The following PTPRD variants were observed in gnomAD, a reference collection of about 807,000 sequenced individuals.
The protein encoded by PTPRD is receptor-type tyrosine-protein phosphatase delta.
Under a neutral mutation model 214.5 loss-of-function variants are expected in PTPRD, and 34 were observed. The observed-to-expected ratio is 0.16, with a 90% CI of 0.12 to 0.21. PTPRD has a LOEUF of 0.21. Among genes scored for constraint, PTPRD ranks in the 10% least tolerant of loss-of-function variants. The probability of loss-of-function intolerance (pLI) is 1.00; values close to 1 mark genes in which losing one functional copy is unlikely to be tolerated. For missense variants in PTPRD, 2,545 were observed against 2,398.7 expected, an observed-to-expected ratio of 1.06 and a Z score of -1.27; for synonymous variants, 1,128 against 845.7, an observed-to-expected ratio of 1.33 and a Z score of -5.79.
At chr9:10,060,867 T>TTC (rs2097758415) in intron 3 of PTPRD, among the ~76,000 whole-genome samples, 13 of 91,934 alleles carry the variant, frequency 1.4e-4, no homozygotes, top group Admixed American at 7.0e-4. Context: ...CTTCCTTCCT[T>TTC]CTTTCCTTCC....
chr9:9,812,941 T>A (rs561437869), intron 5 of PTPRD, among the ~76,000 whole-genome samples: 1 of 152,220 alleles, frequency 6.6e-6, no homozygotes, highest in South Asian at 2.1e-4. Context: ...AAGATACTTG[T>A]TATCATATTT....
intron 12 of PTPRD, among the ~76,000 whole-genome samples, chr9:8,679,135 G>A (rs1475696367): frequency 1.3e-5 from 2 of 152,192 alleles, no homozygotes; most frequent in East Asian, 1.9e-4. Context: ...CCTATAAAAA[G>A]GATTCCATCT....
At chr9:8,933,471 T>G (rs976013508) in intron 11 of PTPRD, among the ~76,000 whole-genome samples, 1 of 151,654 alleles carries the variant, frequency 6.6e-6, no homozygotes, top group Non-Finnish European at 1.5e-5. Flanking sequence ...GTAGCTTACA[T>G]GAGTACATTT....
chr9:9,794,636 CAT>C (rs1164128924), intron 5 of PTPRD, among the ~76,000 whole-genome samples: 23 of 152,142 alleles, frequency 1.5e-4, no homozygotes, highest in Admixed American at 1.4e-3. Context: ...GACTATTTCA[CAT>C]GTGAGATTTA....
intron 3 of PTPRD, among the ~76,000 whole-genome samples, chr9:10,167,637 A>G (rs1304385193): frequency 6.6e-6 from 1 of 152,190 alleles, no homozygotes; most frequent in Admixed American, 6.5e-5. Context: ...ATGATTTATG[A>G]AGTTTTCTGT....
At chr9:9,145,754 G>T (rs904346855) in intron 10 of PTPRD, among the ~76,000 whole-genome samples, 1 of 152,162 alleles carries the variant, frequency 6.6e-6, no homozygotes, top group Non-Finnish European at 1.5e-5. Flanking sequence ...CTGGATCTTG[G>T]TCAGAGATTG....
chr9:9,804,939 C>G (rs191292677), intron 5 of PTPRD, among the ~76,000 whole-genome samples: 1 of 151,804 alleles, frequency 6.6e-6, no homozygotes, highest in African/African-American at 2.4e-5. Context: ...AAAATGTGAT[C>G]ATGCATAAAA....
intron 8 of PTPRD, among the ~76,000 whole-genome samples, chr9:9,568,648 T>C (rs1450478433): frequency 2.0e-5 from 3 of 151,948 alleles, no homozygotes; most frequent in African/African-American, 2.4e-5. Flanking sequence ...CTTTCCTCTA[T>C]GACGTTTACA....
intron 9 of PTPRD, among the ~76,000 whole-genome samples, chr9:9,382,756 A>G (rs2062722084): frequency 6.6e-6 from 1 of 152,090 alleles, no homozygotes; most frequent in Admixed American, 6.6e-5. Context: ...TTTCCTTAAA[A>G]TATCAAAAAT....
At chr9:10,532,979 C>T (rs891414364) in intron 2 of PTPRD, among the ~76,000 whole-genome samples, 2 of 152,012 alleles carry the variant, frequency 1.3e-5, no homozygotes, top group African/African-American at 4.8e-5. Context: ...TAGAGGAAGG[C>T]ATTTGGATCA....
At position 8,342,122 on chromosome 9, in the gene PTPRD, C is replaced by G. The variant is rs189661972; in HGVS notation, c.4662-144G>C. The G allele has an allele frequency of 2.6e-4, 214 of 828,022 alleles. No homozygotes were observed. In the Middle Eastern group the frequency reaches 4.1e-3, roughly 16 times the overall value. The allele number at this position is 828,022 out of a possible 1,614,324, so 51.3% of individuals were successfully genotyped here. ...GCTATTGGGATGACTTTGTAATACT[C>G]TAAAGTCAAAAGTATTATCTAGGCA... On this transcript the variant is annotated intron_variant, in intron 39 of 45. Transcript: ENST00000381196.
intron 7 of PTPRD, among the ~76,000 whole-genome samples, chr9:9,625,689 C>T (rs1043278669): frequency 1.3e-5 from 2 of 151,870 alleles, no homozygotes; most frequent in Non-Finnish European, 1.5e-5. Flanking sequence ...TAGGTTATTG[C>T]AGATGGTATG....
At chr9:8,751,806 C>T (rs1176393444) in intron 11 of PTPRD, among the ~76,000 whole-genome samples, 1 of 152,098 alleles carries the variant, frequency 6.6e-6, no homozygotes, top group Non-Finnish European at 1.5e-5. Context: ...AGTATTTAAC[C>T]CTCTGTCTTA....
At chr9:8,660,863 C>G (rs1246340491) in intron 12 of PTPRD, among the ~76,000 whole-genome samples, 2 of 152,068 alleles carry the variant, frequency 1.3e-5, no homozygotes, top group East Asian at 1.9e-4. Context: ...GACAGTTGTC[C>G]TGGATAGCAG....
At chr9:8,514,440 A>C (rs2097746068) in intron 21 of PTPRD, among the ~76,000 whole-genome samples, 1 of 152,124 alleles carries the variant, frequency 6.6e-6, no homozygotes, top group East Asian at 1.9e-4. Flanking sequence ...ATTTAAATTT[A>C]GTTAAATTTC....
intron 39 of PTPRD, among the ~76,000 whole-genome samples, chr9:8,351,258 C>T (rs1272602909): frequency 1.3e-5 from 2 of 152,064 alleles, no homozygotes; most frequent in Non-Finnish European, 1.5e-5. Context: ...TTTAAAAGTC[C>T]ATTCAGGATT....
chr9:9,219,798 C>T (rs573750946), intron 9 of PTPRD, among the ~76,000 whole-genome samples: 2 of 152,150 alleles, frequency 1.3e-5, no homozygotes, highest in Non-Finnish European at 2.9e-5. Flanking sequence ...ACATGGCGGA[C>T]AGTGAAAATC....
At chr9:9,794,718 T>A (rs144577294) in intron 5 of PTPRD, among the ~76,000 whole-genome samples, 1 of 152,324 alleles carries the variant, frequency 6.6e-6, no homozygotes, top group African/African-American at 2.4e-5. Flanking sequence ...AATAAAACCA[T>A]GGCTTAGAGA....
chr9:9,576,577 CCTT>C (rs2088894911), intron 7 of PTPRD, among the ~76,000 whole-genome samples: 1 of 152,126 alleles, frequency 6.6e-6, no homozygotes, highest in African/African-American at 2.4e-5. Flanking sequence ...ATTAGAGTGA[CCTT>C]CTTTCTTGCC....
Sources: allele counts gnomAD v4.1 joint callset (sites outside exome capture counted in the v4.1 genomes callset), GRCh38; gene constraint gnomAD v4.1.1; transcripts MANE v1.5; gene names NCBI Gene and HGNC (gene_info 2026-07-23, HGNC 2026-07-21).